The following MAST2 variants were observed in gnomAD, a reference collection of about 807,000 sequenced individuals.
MAST2 encodes the protein microtubule-associated serine/threonine-protein kinase 2.
In MAST2, 70 loss-of-function variants were observed where a neutral mutation model predicts 147.4. The ratio of observed to expected loss-of-function variants is 0.47; its 90% CI spans 0.39 to 0.58. The LOEUF (loss-of-function observed/expected upper bound fraction) is 0.58, where lower values mean the gene tolerates loss of function less well. Among genes scored for constraint, MAST2 ranks in the 20% least tolerant of loss-of-function variants. The pLI, the probability that MAST2 is intolerant of heterozygous loss-of-function variation, is 0.00. For synonymous variants in MAST2, 869 were observed against 896.8 expected, an observed-to-expected ratio of 0.97 and a Z score of 0.55; for missense variants, 2,080 against 2,302.3, an observed-to-expected ratio of 0.90 and a Z score of 1.98.
intron 10 of MAST2, among the ~76,000 whole-genome samples, chr1:46,015,508 A>G (rs1040740883): frequency 6.6e-6 from 1 of 152,258 alleles, no homozygotes; most frequent in Non-Finnish European, 1.5e-5. Context: ...CACCAATCCC[A>G]CAGAAATACA....
At chr1:45,920,819 TACTC>T (rs1470119377) in intron 4 of MAST2, among the ~76,000 whole-genome samples, 1 of 152,238 alleles carries the variant, frequency 6.6e-6, no homozygotes, top group Non-Finnish European at 1.5e-5. Context: ...ATTCTCAAAA[TACTC>T]TGATGAGGTG....
chr1:45,879,730 G>C (rs1646763419), intron 3 of MAST2, among the ~76,000 whole-genome samples: 1 of 151,820 alleles, frequency 6.6e-6, no homozygotes, highest in Non-Finnish European at 1.5e-5. Context: ...TTTTTAAAAA[G>C]GTAAAAAAAT....
intron 5 of MAST2, among the ~76,000 whole-genome samples, chr1:45,989,628 G>T (rs1047444058): frequency 6.6e-6 from 1 of 151,744 alleles, no homozygotes; most frequent in African/African-American, 2.4e-5. Context: ...TACTCTCTAG[G>T]TTATAAAGTT....
chr1:45,887,987 A>G (rs569622322), intron 4 of MAST2, among the ~76,000 whole-genome samples: 1 of 152,316 alleles, frequency 6.6e-6, no homozygotes, highest in African/African-American at 2.4e-5. Context: ...TTTGTTGTTA[A>G]AAAATGGATG....
At position 46,021,991 on chromosome 1, in the gene MAST2, T is replaced by C; in HGVS notation, c.1332T>C (p.Ala444=). 2 of 1,614,220 alleles carry C rather than the reference T, an allele frequency of 1.2e-6. No individual in the cohort carries two copies. Among genetic ancestry groups the C allele is most frequent in the Non-Finnish European group, 1.7e-6 (2 of 1,180,030 alleles). The change falls in exon 12 of 29, where the codon GCT becomes GCC. Residue 444 remains alanine (A), a synonymous_variant. Coordinates refer to ENST00000361297, the MANE Select transcript of MAST2 (RefSeq NM_015112.3). ...AGTTCTACCACCTTTTAGAAGCAGC[T>C]GAGGGCCACGCCAAAGAGGGACAAG... ...PEEFYHLLEA[A]EGHAKEGQGI... is the part of the protein sequence containing the mutation.
chr1:45,807,031 C>A (rs1644162419), intron 1 of MAST2, among the ~76,000 whole-genome samples: 1 of 152,156 alleles, frequency 6.6e-6, no homozygotes, highest in African/African-American at 2.4e-5. Flanking sequence ...TAATTCATGG[C>A]TACTTGTGAA....
chr1:46,021,505 C>G (rs144522466), intron 11 of MAST2, among the ~76,000 whole-genome samples: 127 of 152,320 alleles, frequency 8.3e-4, no homozygotes, highest in African/African-American at 3.0e-3. Flanking sequence ...TTTCCAGCCT[C>G]TAGCACATAG....
intron 20 of MAST2, 49 bp downstream of exon 20, chr1:46,030,002 T>C (rs1443693630): frequency 3.1e-6 from 5 of 1,611,080 alleles, no homozygotes; most frequent in Non-Finnish European, 8.5e-7. Context: ...CCTGTTTGCC[T>C]AGAAACACCT....
chr1:45,820,144 G>A (rs983575770), intron 1 of MAST2, among the ~76,000 whole-genome samples: 1 of 152,138 alleles, frequency 6.6e-6, no homozygotes, highest in South Asian at 2.1e-4. Flanking sequence ...TCTATATGCA[G>A]ATATCTACAT....
chr1:45,857,771 C>T (rs1452602297), intron 3 of MAST2, among the ~76,000 whole-genome samples: 2 of 151,638 alleles, frequency 1.3e-5, no homozygotes, highest in African/African-American at 4.8e-5. Context: ...CCATGACAGG[C>T]CCCAGTGTGT....
intron 4 of MAST2, among the ~76,000 whole-genome samples, chr1:45,930,102 A>AG (rs368835660): frequency 6.6e-6 from 1 of 152,018 alleles, no homozygotes; most frequent in African/African-American, 2.4e-5. Context: ...GTTTGTTTTG[A>AG]GGGGGGATGG....
chr1:45,821,719 A>G (rs926822334), intron 1 of MAST2, among the ~76,000 whole-genome samples: 2 of 151,026 alleles, frequency 1.3e-5, no homozygotes, highest in Non-Finnish European at 2.9e-5. Flanking sequence ...GGGTTTCACC[A>G]TGTTGGCCAG....
intron 1 of MAST2, among the ~76,000 whole-genome samples, chr1:45,809,973 T>A (rs1006932511): frequency 1.3e-5 from 2 of 152,248 alleles, no homozygotes; most frequent in Non-Finnish European, 1.5e-5. Flanking sequence ...AATGAAAGGA[T>A]GAATCAGTGT....
chr1:45,919,321 G>T (rs1653071157), intron 4 of MAST2, among the ~76,000 whole-genome samples: 1 of 151,922 alleles, frequency 6.6e-6, no homozygotes, highest in African/African-American at 2.4e-5. Flanking sequence ...CGATAGTGAG[G>T]AATTAGACTA....
At chr1:46,021,345 A>G (rs547624481) in intron 11 of MAST2, among the ~76,000 whole-genome samples, 1 of 152,308 alleles carries the variant, frequency 6.6e-6, no homozygotes, top group African/African-American at 2.4e-5. Context: ...GTTCCTTCCT[A>G]CTACTGTGAT....
intron 3 of MAST2, among the ~76,000 whole-genome samples, chr1:45,852,490 T>G (rs570879185): frequency 1.1e-4 from 16 of 151,338 alleles, no homozygotes; most frequent in African/African-American, 3.4e-4. Context: ...GCCTTCCGAG[T>G]AGCTGGGATC....
At chr1:45,888,000 G>C (rs1647168638) in intron 4 of MAST2, among the ~76,000 whole-genome samples, 1 of 152,212 alleles carries the variant, frequency 6.6e-6, no homozygotes, top group African/African-American at 2.4e-5. Flanking sequence ...AATGGATGTA[G>C]TTGTTGGCGA....
intron 4 of MAST2, among the ~76,000 whole-genome samples, chr1:45,947,910 G>A (rs1219936143): frequency 6.6e-6 from 1 of 152,104 alleles, no homozygotes; most frequent in African/African-American, 2.4e-5. Flanking sequence ...TAGAGACAGG[G>A]TTTCATCATG....
At chr1:45,917,452 CT>C in intron 4 of MAST2, 2 of 1,366,606 alleles carry the variant, frequency 1.5e-6, no homozygotes, top group Middle Eastern at 2.1e-4. Flanking sequence ...GCTTTGGCTA[CT>C]TCTCCTCTTG....
Sources: gnomAD v4.1 joint callset for allele counts (sites outside exome capture counted in the v4.1 genomes callset) on GRCh38, gnomAD v4.1.1 for gene constraint, MANE v1.5 for transcripts, NCBI Gene and HGNC (gene_info 2026-07-23, HGNC 2026-07-21) for gene names.